The following PID1 variants were observed in gnomAD, a reference collection of about 807,000 sequenced individuals.
PID1 encodes phosphotyrosine interaction domain containing 1.
A neutral mutation model predicts 19.1 loss-of-function variants in PID1; 10 were observed. The ratio of observed to expected loss-of-function variants is 0.52; its 90% CI spans 0.32 to 0.89. The LOEUF is 0.89. Among genes scored for constraint, PID1 ranks in the 40% least tolerant of loss-of-function variants. PID1 has a pLI of 0.03. For missense variants in PID1, 248 were observed against 285.3 expected, an observed-to-expected ratio of 0.87 and a Z score of 0.94; for synonymous variants, 130 against 116.0, an observed-to-expected ratio of 1.12 and a Z score of -0.78.
intron 1 of PID1, among the ~76,000 whole-genome samples, chr2:229,166,085 G>A (rs1189015810): frequency 6.6e-6 from 1 of 152,126 alleles, no homozygotes; most frequent in Non-Finnish European, 1.5e-5. Context: ...TTCTCATCAA[G>A]CGAATGGACA....
chr2:229,063,716 T>G (rs1158350581), intron 2 of PID1, among the ~76,000 whole-genome samples: 1 of 152,126 alleles, frequency 6.6e-6, no homozygotes. Flanking sequence ...TTGCTGAAAG[T>G]AGAGTACTGA....
At chr2:229,122,391 G>A (rs1481957934) in intron 2 of PID1, among the ~76,000 whole-genome samples, 1 of 152,154 alleles carries the variant, frequency 6.6e-6, no homozygotes, top group Non-Finnish European at 1.5e-5. Context: ...TGCATAGAGA[G>A]GATAAGGGAA....
intron 2 of PID1, among the ~76,000 whole-genome samples, chr2:229,053,783 C>T (rs1485141833): frequency 3.3e-5 from 5 of 152,192 alleles, no homozygotes; most frequent in Non-Finnish European, 1.5e-5. Context: ...AAATGATTTT[C>T]TGCTCCCATT....
At chr2:229,059,389 A>C (rs1362625349) in intron 2 of PID1, among the ~76,000 whole-genome samples, 1 of 152,256 alleles carries the variant, frequency 6.6e-6, no homozygotes, top group Non-Finnish European at 1.5e-5. Flanking sequence ...ACATGAAAGC[A>C]TCGCTGAATA....
intron 1 of PID1, among the ~76,000 whole-genome samples, chr2:229,247,534 G>A (rs1247507241): frequency 6.6e-6 from 1 of 152,190 alleles, no homozygotes; most frequent in East Asian, 1.9e-4. Flanking sequence ...TAGTGCAAGC[G>A]AACTTGGAAA....
intron 2 of PID1, among the ~76,000 whole-genome samples, chr2:229,051,512 A>G (rs1693995569): frequency 6.6e-6 from 1 of 151,776 alleles, no homozygotes; most frequent in African/African-American, 2.4e-5. Context: ...TAATTTTTGT[A>G]TTTTTAGTAG....
In PID1 at chr2:229,203,014, C is replaced by T. The variant is rs115014155; in HGVS notation, c.31-47050G>A. Among the ~76,000 whole-genome samples the T allele has an allele frequency of 2.5e-3, 374 of 152,220 alleles. 3 individuals carry two copies. Among genetic ancestry groups the T allele is most frequent in the African/African-American group, 8.5e-3 (352 of 41,554 alleles). ...GAAAACAGTTTCAGGGGTTTCTGCT[C>T]ATGTCTCTTTGAAGTCCATATACAT... On this transcript the variant is annotated intron_variant, in intron 1 of 2. Coordinates refer to ENST00000392055, the MANE Select transcript of PID1 (RefSeq NM_001100818.2).
chr2:229,147,553 CAT>C (rs1488389682), intron 2 of PID1, among the ~76,000 whole-genome samples: 2 of 151,764 alleles, frequency 1.3e-5, no homozygotes, highest in Non-Finnish European at 1.5e-5. Context: ...ATACTAATAA[CAT>C]GTTATAATCA....
At chr2:229,047,495 G>A (rs7559117) in intron 2 of PID1, among the ~76,000 whole-genome samples, 79,432 of 151,958 alleles carry the variant, frequency 0.52, 21,517 homozygotes, top group East Asian at 0.67. Flanking sequence ...AAGTTAAAGA[G>A]AGTTTTATGT....
intron 1 of PID1, among the ~76,000 whole-genome samples, chr2:229,181,473 C>T (rs917664681): frequency 4.6e-5 from 7 of 152,198 alleles, no homozygotes; most frequent in Admixed American, 2.6e-4. Flanking sequence ...CGAGAATCAA[C>T]GGCAAGATCA....
chr2:229,195,601 A>C (rs1691361589), intron 1 of PID1, among the ~76,000 whole-genome samples: 1 of 151,894 alleles, frequency 6.6e-6, no homozygotes, highest in South Asian at 2.1e-4. Context: ...GTTAATTTTT[A>C]GCTTAGTGAT....
chr2:229,151,729 C>A (rs888338403), intron 2 of PID1, among the ~76,000 whole-genome samples: 1 of 152,048 alleles, frequency 6.6e-6, no homozygotes, highest in African/African-American at 2.4e-5. Context: ...CACCACCACG[C>A]CCGGCTAATT....
intron 1 of PID1, among the ~76,000 whole-genome samples, chr2:229,177,245 A>T (rs2106215113): frequency 6.6e-6 from 1 of 152,260 alleles, no homozygotes; most frequent in East Asian, 1.9e-4. Context: ...TTGAGTAGGG[A>T]CACAGCCAAC....
chr2:229,191,949 G>A (rs1691268765), intron 1 of PID1, among the ~76,000 whole-genome samples: 1 of 152,066 alleles, frequency 6.6e-6, no homozygotes, highest in Admixed American at 6.5e-5. Flanking sequence ...GAAATAGCAA[G>A]CACAAATTAA....
At chr2:229,143,607 G>A (rs1276373320) in intron 2 of PID1, among the ~76,000 whole-genome samples, 1 of 152,136 alleles carries the variant, frequency 6.6e-6, no homozygotes, top group Non-Finnish European at 1.5e-5. Flanking sequence ...CTTGCAAAGT[G>A]TTGAGGGATG....
chr2:229,095,906 T>C (rs1694963244), intron 2 of PID1, among the ~76,000 whole-genome samples: 2 of 152,300 alleles, frequency 1.3e-5, no homozygotes, highest in African/African-American at 4.8e-5. Flanking sequence ...CTCAATTTGA[T>C]TTTCAAGTTT....
At chr2:229,158,662 G>A (rs184574498) in intron 1 of PID1, among the ~76,000 whole-genome samples, 91 of 151,828 alleles carry the variant, frequency 6.0e-4, no homozygotes, top group African/African-American at 2.0e-3. Context: ...TCACTGCTTC[G>A]TCCAAGTTGA....
chr2:229,063,398 C>G (rs535952489), intron 2 of PID1, among the ~76,000 whole-genome samples: 1 of 152,058 alleles, frequency 6.6e-6, no homozygotes, highest in Non-Finnish European at 1.5e-5. Flanking sequence ...TACTGAGGAG[C>G]ATGTTGTTTA....
At chr2:229,179,179 C>T (rs1222931213) in intron 1 of PID1, among the ~76,000 whole-genome samples, 1 of 152,136 alleles carries the variant, frequency 6.6e-6, no homozygotes, top group Non-Finnish European at 1.5e-5. Flanking sequence ...TGTGCCCCTC[C>T]CCATTCATAC....
Sources: gnomAD v4.1 joint callset for allele counts (sites outside exome capture counted in the v4.1 genomes callset) on GRCh38, gnomAD v4.1.1 for gene constraint, MANE v1.5 for transcripts, NCBI Gene and HGNC (gene_info 2026-07-23, HGNC 2026-07-21) for gene names.